Variants in ZNF521 observed in about 807,000 individuals in gnomAD.
The protein encoded by ZNF521 is zinc finger protein 521, also known as LYST-interacting protein 3.
Under a neutral mutation model 105.5 loss-of-function variants are expected in ZNF521, and 14 were observed. That is an observed-to-expected ratio of 0.13 (90% CI 0.09 to 0.21). The LOEUF (loss-of-function observed/expected upper bound fraction) is 0.21. Among genes scored for constraint, ZNF521 ranks in the 10% least tolerant of loss-of-function variants. The pLI is 1.00. For synonymous variants in ZNF521, 635 were observed against 606.0 expected (o/e 1.05, Z -0.70); for missense variants, 1,233 against 1,629.7 (o/e 0.76, Z 4.19).
intron 2 of ZNF521, among the ~76,000 whole-genome samples, chr18:25,328,560 T>A (rs1232229459): frequency 6.6e-6 from 1 of 151,382 alleles, no homozygotes; most frequent in Non-Finnish European, 1.5e-5. Context: ...TATTAATTTT[T>A]TTTTTTTTTT....
At position 25,138,967 on chromosome 18, in the gene ZNF521, T is replaced by C. The variant is rs560705504; in HGVS notation, c.3659-46886A>G. Among the ~76,000 whole-genome samples the C allele has an allele frequency of 1.6e-4, 25 of 152,308 alleles. No individual in the cohort carries two copies. In the East Asian group the frequency reaches 4.1e-3, roughly 25 times the overall value. On this transcript the variant is annotated intron_variant, in intron 5 of 7. Transcript: ENST00000361524. The stretch of plus-strand genomic sequence containing the variant: ...TACAAGATGGTTGGGTTTTAGCTGC[T>C]GGGATATTTTTCTGTGCAGAAGAAA...
intron 2 of ZNF521, among the ~76,000 whole-genome samples, chr18:25,334,778 G>A (rs1266288930): frequency 6.6e-6 from 1 of 152,112 alleles, no homozygotes; most frequent in Non-Finnish European, 1.5e-5. Flanking sequence ...TGCAAACGAG[G>A]TAAACATAAA....
chr18:25,116,883 A>AC (rs2034317123), intron 5 of ZNF521, among the ~76,000 whole-genome samples: 1 of 52,312 alleles, frequency 1.9e-5, no homozygotes, highest in Non-Finnish European at 6.6e-5. Context: ...ATATATATAT[A>AC]TATACGTATA....
intron 3 of ZNF521, among the ~76,000 whole-genome samples, chr18:25,321,493 A>G (rs940884388): frequency 6.6e-6 from 1 of 152,222 alleles, no homozygotes; most frequent in Non-Finnish European, 1.5e-5. Context: ...GCCATCCATG[A>G]GCTTTCAGTC....
intron 3 of ZNF521, among the ~76,000 whole-genome samples, chr18:25,241,291 C>T (rs578019058): frequency 2.8e-4 from 43 of 152,284 alleles, no homozygotes; most frequent in Admixed American, 2.4e-3. Context: ...ATTAAAGACA[C>T]GAAAACCTGC....
intron 5 of ZNF521, among the ~76,000 whole-genome samples, chr18:25,179,609 C>A (rs1171378126): frequency 2.0e-5 from 3 of 152,194 alleles, no homozygotes; most frequent in Non-Finnish European, 4.4e-5. Context: ...CCACAGGAAA[C>A]TCTTCCAAGT....
intron 7 of ZNF521, chr18:25,082,467 G>A: frequency 2.4e-6 from 1 of 409,120 alleles, no homozygotes; most frequent in Non-Finnish European, 4.8e-6. Context: ...CAACCCAGGG[G>A]TCCCAGCAGA....
Position 25,227,208 on chromosome 18 carries a change from A to T in ZNF521, c.710T>A (p.Met237Lys). 3.1e-6 allele frequency: 5 copies of T among 1,614,092 alleles called. No homozygotes were observed. Among genetic ancestry groups the T allele is most frequent in the Non-Finnish European group, 4.2e-6 (5 of 1,180,010 alleles). The change falls in exon 4 of 8, where the codon ATG (methionine) becomes AAG (lysine). Residue 237 changes from methionine (M) to lysine (K), a missense_variant. By Grantham distance (95) the Met-to-Lys change is moderately conservative. This residue lies in a region of ZNF521 where 380 missense variants were observed against 478.0 expected (regional missense o/e 0.80). Coordinates refer to ENST00000361524, the MANE Select transcript of ZNF521 (RefSeq NM_015461.3). This position sits in a 1 kb window ranked among gnomAD's most constrained non-coding sequence, Gnocchi z 5.7. ...NKDGSQSGSR[M>K]EDWKMKDTQK... ...AGTGTCCTTCATCTTCCAGTCCTCC[A>T]TCCTGGAACCGGACTGAGAGCCGTC...
chr18:25,300,819 C>CT, intron 3 of ZNF521, among the ~76,000 whole-genome samples: 1 of 152,290 alleles, frequency 6.6e-6, no homozygotes, highest in African/African-American at 2.4e-5. Flanking sequence ...CCCTCCTTCT[C>CT]TTTGATTCTT....
At chr18:25,152,489 AAG>A (rs1391169706) in intron 5 of ZNF521, among the ~76,000 whole-genome samples, 439 of 151,726 alleles carry the variant, frequency 2.9e-3, no homozygotes, top group Middle Eastern at 6.8e-3. Context: ...AAAAAAAAAA[AAG>A]AAAAAAAAAA....
At chr18:25,193,830 C>T (rs1051829315) in intron 5 of ZNF521, among the ~76,000 whole-genome samples, 5 of 151,914 alleles carry the variant, frequency 3.3e-5, no homozygotes, top group African/African-American at 1.2e-4. Flanking sequence ...CTGGAAAATA[C>T]AGAGATGAAT....
intron 2 of ZNF521, among the ~76,000 whole-genome samples, chr18:25,338,259 T>TGTG (rs769552251): frequency 2.4e-4 from 33 of 136,510 alleles, no homozygotes; most frequent in African/African-American, 7.1e-4. Flanking sequence ...TCATAGACTT[T>TGTG]TGTGTGTGTG....
chr18:25,083,505 T>C (rs1233089540), intron 7 of ZNF521, among the ~76,000 whole-genome samples: 2 of 152,176 alleles, frequency 1.3e-5, no homozygotes, highest in Non-Finnish European at 2.9e-5. Context: ...GTTCTCCGAA[T>C]TCCATAACCA....
At chr18:25,188,336 T>A (rs1438290507) in intron 5 of ZNF521, among the ~76,000 whole-genome samples, 1 of 152,140 alleles carries the variant, frequency 6.6e-6, no homozygotes, top group African/African-American at 2.4e-5. Context: ...ACACCCACTC[T>A]CCATATTGGC....
At chr18:25,135,588 A>G (rs1255179122) in intron 5 of ZNF521, among the ~76,000 whole-genome samples, 3 of 152,096 alleles carry the variant, frequency 2.0e-5, no homozygotes, top group Non-Finnish European at 1.5e-5. Context: ...ACAACTGTGT[A>G]CCCCTCTGAG....
chr18:25,073,484 C>A (rs2033275837), intron 7 of ZNF521, among the ~76,000 whole-genome samples: 1 of 152,294 alleles, frequency 6.6e-6, no homozygotes, highest in Non-Finnish European at 1.5e-5. Context: ...AATTTAGTTA[C>A]ACACTGAAAG....
chr18:25,342,729 T>C (rs971745955), intron 2 of ZNF521, among the ~76,000 whole-genome samples: 3 of 152,180 alleles, frequency 2.0e-5, no homozygotes, highest in South Asian at 2.1e-4. Context: ...CGCCTGGCCT[T>C]CTTTTTCTTA....
chr18:25,082,654 G>C (rs1245614824), intron 7 of ZNF521: 1 of 415,166 alleles, frequency 2.4e-6, no homozygotes, highest in Non-Finnish European at 4.7e-6. Context: ...TGGGCAACAT[G>C]GTGAAACCCC....
At chr18:25,349,224 G>C (rs1914593749) in intron 2 of ZNF521, among the ~76,000 whole-genome samples, 1 of 152,148 alleles carries the variant, frequency 6.6e-6, no homozygotes, top group African/African-American at 2.4e-5. Context: ...TTCGCTCAGC[G>C]TTACTTTCAA....
Sources: allele counts gnomAD v4.1 joint callset (sites outside exome capture counted in the v4.1 genomes callset), GRCh38; gene constraint gnomAD v4.1.1; regional missense constraint gnomAD v4.1.1; non-coding constraint Gnocchi (gnomAD v3.1); transcripts MANE v1.5; gene names NCBI Gene and HGNC (gene_info 2026-07-23, HGNC 2026-07-21).